PKD2: variants seen among roughly 807,000 people sequenced by gnomAD.
The protein encoded by PKD2 is polycystin-2.
A neutral mutation model predicts 105.9 loss-of-function variants in PKD2; 48 were observed. The ratio of observed to expected loss-of-function variants is 0.45; its 90% CI spans 0.36 to 0.58. The LOEUF (loss-of-function observed/expected upper bound fraction) is 0.58. PKD2 is among the 20% of genes least tolerant of loss of function. PKD2 has a pLI of 0.00. For missense variants in PKD2, 1,078 were observed against 1,255.3 expected, an observed-to-expected ratio of 0.86 and a Z score of 2.13; for synonymous variants, 464 against 481.1, an observed-to-expected ratio of 0.96 and a Z score of 0.46.
In PKD2 at chr4:88,075,952, G is replaced by A. The variant is rs1230127687; in HGVS notation, c.*258G>A. The stretch of plus-strand genomic sequence containing the variant: ...AAATCTTCATGATGTGTATTGAGCG[G>A]TACGCCCAGTTGCCACCATGACTGA... On this transcript the variant is annotated 3_prime_UTR_variant, in exon 15 of 15. Transcript: ENST00000237596. 6 of 430,690 alleles carry A rather than the reference G, an allele frequency of 1.4e-5. No homozygotes were observed. Among genetic ancestry groups the A allele is most frequent in the Non-Finnish European group, 2.5e-5 (6 of 237,472 alleles). The allele number at this position is 430,690 out of a possible 1,614,324, so 26.7% of individuals were successfully genotyped here.
intron 4 of PKD2, among the ~76,000 whole-genome samples, chr4:88,042,604 G>A (rs549210788): frequency 1.1e-4 from 16 of 152,156 alleles, no homozygotes; most frequent in Middle Eastern, 3.4e-3. Flanking sequence ...CCCCAAATAA[G>A]GACAGCTTTC....
chr4:88,013,887 C>T (rs1235854553), intron 1 of PKD2, among the ~76,000 whole-genome samples: 4 of 152,114 alleles, frequency 2.6e-5, no homozygotes, highest in Admixed American at 6.5e-5. Flanking sequence ...GGAATGGGCA[C>T]GTTTTCCTGT....
intron 4 of PKD2, among the ~76,000 whole-genome samples, chr4:88,039,073 G>A (rs1048185923): frequency 1.3e-5 from 2 of 152,168 alleles, no homozygotes; most frequent in Admixed American, 1.3e-4. Context: ...ATTAAGGGAG[G>A]TCACTTACTA....
At chr4:88,063,922 A>G (rs898956614) in intron 10 of PKD2, among the ~76,000 whole-genome samples, 2 of 152,340 alleles carry the variant, frequency 1.3e-5, no homozygotes, top group Non-Finnish European at 2.9e-5. Flanking sequence ...TGAGAGGCCA[A>G]GGTGGGTGGA....
Position 88,043,368 on chromosome 4 carries a change from G to A in PKD2, c.1230G>A (p.Lys410=). 1 of 1,614,038 alleles carries A rather than the reference G, an allele frequency of 6.2e-7. No homozygotes were observed. Among genetic ancestry groups the A allele is most frequent in the Non-Finnish European group, 8.5e-7 (1 of 1,179,960 alleles). ...CAGCTGCACAAGTTGCTAGCCTCAAGAAAAATGTCTGGCTGGACCGAGGAA... is the reference window on the plus strand; with the variant it reads ...CAGCTGCACAAGTTGCTAGCCTCAAAAAAAATGTCTGGCTGGACCGAGGAA... ...EETAAQVASL[K]KNVWLDRGTR... Residue 410 remains lysine (K), a synonymous_variant, in exon 5 of 15, where the codon AAG becomes AAA. Coordinates refer to ENST00000237596, the MANE Select transcript of PKD2 (RefSeq NM_000297.4).
At chr4:88,067,154 AAAC>A (rs1272975128) in intron 12 of PKD2, among the ~76,000 whole-genome samples, 3 of 152,216 alleles carry the variant, frequency 2.0e-5, no homozygotes, top group Admixed American at 6.5e-5. Context: ...TCTTGAGCAC[AAAC>A]ATGATAGTCA....
rs35551347 is a variant in PKD2, at chr4:88,025,613, C to CA, written c.709+6056dup. ...TGGGTGACAGAGCAAGACCCTGTCTCAAAAAAAAAAAAAAGAAAAGAAAAG... is the reference window on the plus strand; with the variant it reads ...TGGGTGACAGAGCAAGACCCTGTCTCAAAAAAAAAAAAAAAGAAAAGAAAAG... On this transcript the variant is annotated intron_variant, in intron 2 of 14. Coordinates refer to ENST00000237596, the MANE Select transcript of PKD2 (RefSeq NM_000297.4). Among the ~76,000 whole-genome samples, 540 of 98,662 alleles carry CA rather than the reference C, an allele frequency of 5.5e-3. 2 individuals are homozygous for CA. The highest frequency in any genetic ancestry group is 7.5e-3 in the Admixed American group (69 of 9,144). The allele number at this position is 98,662 out of a possible 152,430, so 64.7% of individuals were successfully genotyped here.
chr4:88,008,458 GC>G, intron 1 of PKD2, 130 bp downstream of exon 1: 2 of 1,192,138 alleles, frequency 1.7e-6, no homozygotes, highest in Non-Finnish European at 2.2e-6. Context: ...TCCCTTGGAA[GC>G]GCATTCCCCA....
At chr4:88,008,780 C>T (rs1726291207) in intron 1 of PKD2, among the ~76,000 whole-genome samples, 1 of 152,056 alleles carries the variant, frequency 6.6e-6, no homozygotes, top group African/African-American at 2.4e-5. Flanking sequence ...ACTCCATTGT[C>T]CCGGGCTGAA....
chr4:88,062,108 A>G, intron 10 of PKD2, 104 bp downstream of exon 10: 1 of 716,028 alleles, frequency 1.4e-6, no homozygotes, highest in Non-Finnish European at 2.6e-6. Context: ...AATTGTTTGA[A>G]ATAAAGAATA....
intron 10 of PKD2, among the ~76,000 whole-genome samples, chr4:88,065,172 G>C (rs1720742676): frequency 6.6e-6 from 1 of 152,084 alleles, no homozygotes; most frequent in African/African-American, 2.4e-5. Context: ...CTTACTGAAA[G>C]ACCCTGACTT....
At chr4:88,071,533 T>G (rs1009133530) in intron 13 of PKD2, among the ~76,000 whole-genome samples, 1 of 152,118 alleles carries the variant, frequency 6.6e-6, no homozygotes, top group African/African-American at 2.4e-5. Flanking sequence ...ATTTTCCTGT[T>G]TTTTTGTTTT....
intron 6 of PKD2, among the ~76,000 whole-genome samples, chr4:88,047,928 T>C (rs1727836268): frequency 6.6e-6 from 1 of 152,206 alleles, no homozygotes; most frequent in African/African-American, 2.4e-5. Context: ...TATTATAACT[T>C]CTAAGATTTT....
rs368513916 is a variant in PKD2 at position 88,038,358 on chromosome 4, G to T, written c.951G>T (p.Gly317=). 2 of 1,613,916 alleles carry T rather than the reference G, an allele frequency of 1.2e-6. No individual in the cohort carries two copies. Among genetic ancestry groups the T allele is most frequent in the Non-Finnish European group, 1.7e-6 (2 of 1,179,940 alleles). Residue 317 remains glycine (G), a synonymous_variant, in exon 4 of 15, where the codon GGG becomes GGT. Transcript: ENST00000237596. ...SFIFYENLLL[G]VPRIRQLRVR... is the part of the protein sequence containing the mutation. ...TCTTCTATGAGAACCTGCTGTTAGG[G>T]GTTCCACGAATACGGCAACTCCGAG...
chr4:88,073,340 C>T (rs1191959890), intron 13 of PKD2, among the ~76,000 whole-genome samples: 2 of 151,926 alleles, frequency 1.3e-5, no homozygotes, highest in African/African-American at 2.4e-5. Context: ...GCCTGGCCAA[C>T]GTGGTGAAAC....
chr4:88,043,558 G>A, intron 5 of PKD2, 101 bp downstream of exon 5: 3 of 816,832 alleles, frequency 3.7e-6, no homozygotes, highest in Non-Finnish European at 6.2e-6. Context: ...TTAGCTACAT[G>A]AGGATGCCAA....
intron 8 of PKD2, 116 bp from the exon 9 acceptor site, chr4:88,057,867 C>A: frequency 2.5e-6 from 2 of 793,942 alleles, no homozygotes; most frequent in Non-Finnish European, 4.4e-6. Flanking sequence ...TGTTATTCGG[C>A]AGCTACCTAT....
intron 6 of PKD2, among the ~76,000 whole-genome samples, chr4:88,048,923 TC>T (rs1434670818): frequency 6.6e-6 from 1 of 152,372 alleles, no homozygotes; most frequent in African/African-American, 2.4e-5. Context: ...TGACAATTAT[TC>T]CAGAACACAA....
intron 1 of PKD2, among the ~76,000 whole-genome samples, chr4:88,015,143 G>A (rs1726515484): frequency 6.6e-6 from 1 of 152,204 alleles, no homozygotes; most frequent in South Asian, 2.1e-4. Flanking sequence ...AATATTTACA[G>A]ATGAAGTGAT....
Sources: gnomAD v4.1 joint callset for allele counts (sites outside exome capture counted in the v4.1 genomes callset) on GRCh38, gnomAD v4.1.1 for gene constraint, MANE v1.5 for transcripts, NCBI Gene and HGNC (gene_info 2026-07-23, HGNC 2026-07-21) for gene names.